The following XKR4 variants were observed in gnomAD, a reference collection of about 807,000 sequenced individuals.
The protein encoded by XKR4 is XK-related protein 4.
A neutral mutation model predicts 53.9 loss-of-function variants in XKR4; 12 were observed. That is an observed-to-expected ratio of 0.22 (90% CI 0.14 to 0.36). The LOEUF is 0.36. Among genes scored for constraint, XKR4 ranks in the 10% least tolerant of loss-of-function variants. XKR4 has a pLI of 1.00. For missense variants in XKR4, 799 were observed against 859.5 expected (o/e 0.93, Z 0.88); for synonymous variants, 354 against 362.4 (o/e 0.98, Z 0.26).
At chr8:55,191,649 C>A (rs1300481743) in intron 1 of XKR4, among the ~76,000 whole-genome samples, 10 of 147,652 alleles carry the variant, frequency 6.8e-5, no homozygotes, top group Non-Finnish European at 1.2e-4. Context: ...TTCCCAGTTT[C>A]TTTCTCTCCT....
chr8:55,333,231 C>T (rs116324393), intron 1 of XKR4, among the ~76,000 whole-genome samples: 1,733 of 152,064 alleles, frequency 0.011, 27 homozygotes, highest in African/African-American at 0.039. Context: ...TGTGTTTCTT[C>T]GGGGTTGGTT....
chr8:55,380,062 A>G (rs1315288198), intron 2 of XKR4, among the ~76,000 whole-genome samples: 2 of 152,242 alleles, frequency 1.3e-5, no homozygotes, highest in South Asian at 2.1e-4. Context: ...CTGTTCTAAC[A>G]TAATTAAACA....
intron 2 of XKR4, among the ~76,000 whole-genome samples, chr8:55,381,251 T>C (rs1804228559): frequency 6.6e-6 from 1 of 152,240 alleles, no homozygotes; most frequent in Non-Finnish European, 1.5e-5. Context: ...TTCCAAATTA[T>C]TTTCCTTCGC....
Position 55,357,815 on chromosome 8 carries a change from C to G in XKR4, c.944C>G (p.Ala315Gly). Residue 315 changes from alanine (A) to glycine (G), a missense_variant, in exon 2 of 3, where the codon GCT becomes GGT. Physicochemically the swap from Ala to Gly is moderately conservative, Grantham distance 60. Transcript: ENST00000327381. ...TTGCTAGCCACCTTTCTGGAAAGTG[C>G]TCCACAGCTGGTCCTGCAGCTCTGC... ...LHLLATFLES[A>G]PQLVLQLCII... 6.2e-7 allele frequency: 1 copy of G among 1,614,190 alleles called. No homozygotes were observed. The highest frequency in any genetic ancestry group is 8.5e-7 in the Non-Finnish European group (1 of 1,180,036).
chr8:55,289,451 G>C (rs1818950717), intron 1 of XKR4, among the ~76,000 whole-genome samples: 2 of 150,578 alleles, frequency 1.3e-5, no homozygotes, highest in Non-Finnish European at 3.0e-5. Flanking sequence ...GGAGGCAGAG[G>C]TTGCAGTGAG....
chr8:55,446,337 A>G (rs1364469212), intron 2 of XKR4, among the ~76,000 whole-genome samples: 1 of 151,700 alleles, frequency 6.6e-6, no homozygotes, highest in Non-Finnish European at 1.5e-5. Context: ...AAAAACTTTA[A>G]CTGACTGATT....
At position 55,102,926 on chromosome 8, in the gene XKR4, G is replaced by T. The variant is rs1329921310; in HGVS notation, c.438G>T (p.Gly146=). The part of the protein sequence containing the change: ...YYLRGQRWWF[G]LTLFFVVLGS... Reference sequence around the variant, plus strand: ...TGCGCGGCCAGCGCTGGTGGTTCGGGCTCACGCTCTTCTTCGTGGTGCTCG... The same window carrying T: ...TGCGCGGCCAGCGCTGGTGGTTCGGTCTCACGCTCTTCTTCGTGGTGCTCG... The change falls in exon 1 of 3, where the codon GGG becomes GGT. Residue 146 remains glycine (G), a synonymous_variant. Transcript: ENST00000327381. The surrounding 1 kb of genome is among the most constrained non-coding windows in gnomAD (Gnocchi z 5.1). 6.2e-7 allele frequency: 1 copy of T among 1,611,760 alleles called. No individual in the cohort carries two copies. The highest frequency in any genetic ancestry group is 1.7e-5 in the Admixed American group (1 of 60,020).
chr8:55,453,486 C>A (rs192628120), intron 2 of XKR4: 2 of 394,258 alleles, frequency 5.1e-6, no homozygotes, highest in African/African-American at 2.1e-5. Context: ...CAGTTGCCCA[C>A]GACCTCCAGC....
At chr8:55,302,217 C>T (rs1210300670) in intron 1 of XKR4, among the ~76,000 whole-genome samples, 10 of 151,338 alleles carry the variant, frequency 6.6e-5, no homozygotes, top group South Asian at 2.1e-4. Context: ...TACATATGGC[C>T]AGCCAGTTTT....
At chr8:55,432,624 C>A (rs139920286) in intron 2 of XKR4, among the ~76,000 whole-genome samples, 24 of 152,218 alleles carry the variant, frequency 1.6e-4, no homozygotes, top group African/African-American at 4.8e-4. Flanking sequence ...AATATGAAAA[C>A]GTTTTGAAGA....
intron 1 of XKR4, among the ~76,000 whole-genome samples, chr8:55,305,548 A>G (rs778952848): frequency 3.9e-5 from 6 of 152,206 alleles, no homozygotes; most frequent in Non-Finnish European, 8.8e-5. Context: ...TGCCTTGAGT[A>G]TGTCACTTAG....
intron 1 of XKR4, among the ~76,000 whole-genome samples, chr8:55,115,440 T>C (rs1330591733): frequency 6.6e-6 from 1 of 150,702 alleles, no homozygotes; most frequent in African/African-American, 2.4e-5. Context: ...TTAAGCAAAA[T>C]GTGAAATGTT....
At chr8:55,461,186 T>C (rs1805650798) in intron 2 of XKR4, among the ~76,000 whole-genome samples, 1 of 152,184 alleles carries the variant, frequency 6.6e-6, no homozygotes, top group Non-Finnish European at 1.5e-5. Flanking sequence ...CTCAAGTGGG[T>C]CCCTGAACCC....
chr8:55,103,401 T>A, intron 1 of XKR4, 107 bp downstream of exon 1: 1 of 1,478,502 alleles, frequency 6.8e-7, no homozygotes, highest in Non-Finnish European at 9.0e-7. Context: ...GTAACCCTAG[T>A]CACACTCTTC....
At chr8:55,125,005 C>T (rs1816443568) in intron 1 of XKR4, among the ~76,000 whole-genome samples, 2 of 152,196 alleles carry the variant, frequency 1.3e-5, no homozygotes, top group African/African-American at 4.8e-5. Context: ...GCTAGGCAGC[C>T]AATTGTGGCA....
intron 1 of XKR4, among the ~76,000 whole-genome samples, chr8:55,305,402 AG>A (rs995118052): frequency 1.3e-5 from 2 of 152,068 alleles, no homozygotes; most frequent in African/African-American, 4.8e-5. Context: ...CAGAGAAAGG[AG>A]GGGGTCACCG....
chr8:55,172,135 A>G (rs1025034340), intron 1 of XKR4, among the ~76,000 whole-genome samples: 1 of 150,490 alleles, frequency 6.6e-6, no homozygotes, highest in Non-Finnish European at 1.5e-5. Flanking sequence ...AATCACTTGA[A>G]CCCAGGTTGT....
intron 2 of XKR4, among the ~76,000 whole-genome samples, chr8:55,457,541 A>G (rs1408138091): frequency 6.6e-6 from 1 of 152,240 alleles, no homozygotes; most frequent in Admixed American, 6.5e-5. Flanking sequence ...GTAAATGAAA[A>G]CTGAGAAAAT....
intron 1 of XKR4, among the ~76,000 whole-genome samples, chr8:55,302,539 A>G (rs1819217849): frequency 6.6e-6 from 1 of 152,248 alleles, no homozygotes. Context: ...GAAGAAAGTC[A>G]TTGGTAGCTT....
Sources: gnomAD v4.1 joint callset for allele counts (sites outside exome capture counted in the v4.1 genomes callset) on GRCh38, gnomAD v4.1.1 for gene constraint, Gnocchi (gnomAD v3.1) non-coding constraint, MANE v1.5 for transcripts, NCBI Gene and HGNC (gene_info 2026-07-23, HGNC 2026-07-21) for gene names.